TLN2: variants seen among roughly 807,000 people sequenced by gnomAD.
TLN2 encodes the protein talin 2.
A neutral mutation model predicts 294.7 loss-of-function variants in TLN2; 118 were observed. The ratio of observed to expected loss-of-function variants is 0.40; its 90% confidence interval spans 0.34 to 0.47. The LOEUF (loss-of-function observed/expected upper bound fraction) is 0.47, where lower values mean the gene tolerates loss of function less well. Ranked by LOEUF, TLN2 falls within the 20% of genes least tolerant of loss-of-function variation. TLN2 has a pLI of 0.84. For missense variants in TLN2, 3,083 were observed against 3,282.2 expected (o/e 0.94, Z 1.48); for synonymous variants, 1,431 against 1,304.5 (o/e 1.10, Z -2.09).
At chr15:62,686,377 A>T (rs992874644) in intron 11 of TLN2, among the ~76,000 whole-genome samples, 7 of 152,110 alleles carry the variant, frequency 4.6e-5, no homozygotes, top group African/African-American at 1.7e-4. Context: ...TCTTTCTGGC[A>T]TCGTCTGTTT....
chr15:62,462,171 T>C (rs1015660280), intron 1 of TLN2, among the ~76,000 whole-genome samples: 4 of 152,022 alleles, frequency 2.6e-5, no homozygotes, highest in African/African-American at 9.7e-5. Context: ...GAGGCGGAGG[T>C]TGCAGTGAGC....
At chr15:62,521,308 A>G (rs2040444957) in intron 1 of TLN2, among the ~76,000 whole-genome samples, 1 of 152,130 alleles carries the variant, frequency 6.6e-6, no homozygotes, top group Non-Finnish European at 1.5e-5. Flanking sequence ...GGTACAGGGG[A>G]AAGCCCTGGA....
Position 62,439,163 on chromosome 15 carries a change from C to T in TLN2, c.-238+48478C>T, listed in dbSNP as rs1208846480. 2.6e-5 allele frequency among the ~76,000 whole-genome samples: 4 copies of T among 152,206 alleles called. No individual in the cohort carries two copies. The East Asian group carries it at 7.7e-4, about 29-fold the overall frequency. Reference sequence around the variant, plus strand: ...TCTCTTGCTGTCATGGCAGACATCGCTAGAAGATTATGACACTTTACTATG... The same window carrying T: ...TCTCTTGCTGTCATGGCAGACATCGTTAGAAGATTATGACACTTTACTATG... On this transcript the variant is annotated intron_variant, in intron 1 of 58. Transcript: ENST00000636159.
At chr15:62,675,140 T>C in intron 10 of TLN2, 77 bp from the exon 11 acceptor site, 1 of 1,340,574 alleles carries the variant, frequency 7.5e-7, no homozygotes, top group Non-Finnish European at 1.1e-6. Flanking sequence ...CTCCACCACA[T>C]ACAGTAACTA....
At chr15:62,786,701 C>A (rs943172663) in intron 45 of TLN2, among the ~76,000 whole-genome samples, 1 of 152,146 alleles carries the variant, frequency 6.6e-6, no homozygotes, top group African/African-American at 2.4e-5. Context: ...CCCTTTCCCC[C>A]AGATGAAATG....
intron 1 of TLN2, among the ~76,000 whole-genome samples, chr15:62,533,630 G>C (rs1270303616): frequency 6.6e-6 from 1 of 152,116 alleles, no homozygotes; most frequent in African/African-American, 2.4e-5. Flanking sequence ...CATCTCATGG[G>C]TTACTTAAAG....
At chr15:62,722,279 C>T in intron 25 of TLN2, 74 bp from the exon 26 acceptor site, 4 of 1,482,924 alleles carry the variant, frequency 2.7e-6, no homozygotes, top group Admixed American at 2.1e-5. Flanking sequence ...CTGTGGAGAC[C>T]TCGCTGCTTA....
chr15:62,695,337 G>A lies in TLN2; in HGVS notation c.1292+945G>A, dbSNP rs576513963. Among the ~76,000 whole-genome samples the A allele has an allele frequency of 7.9e-5, 12 of 152,290 alleles. No individual in the cohort carries two copies. In the East Asian group the frequency reaches 2.1e-3, roughly 27 times the overall value. On this transcript the variant is annotated intron_variant, in intron 14 of 58. Coordinates refer to ENST00000636159, the MANE Select transcript of TLN2 (RefSeq NM_015059.3). ...AGGAGCAACGCAGGAAGAAGTGGAAGGTCTAGCGATGGGGACAATCCTGAC... is the reference window on the plus strand; with the variant it reads ...AGGAGCAACGCAGGAAGAAGTGGAAAGTCTAGCGATGGGGACAATCCTGAC...
chr15:62,808,683 G>A (rs2141169133), intron 51 of TLN2, among the ~76,000 whole-genome samples: 1 of 152,288 alleles, frequency 6.6e-6, no homozygotes, highest in South Asian at 2.1e-4. Flanking sequence ...TTCCCGCAGT[G>A]GTGTCTCATC....
In TLN2 at chr15:62,727,240, G is replaced by A. The variant is rs760812813; in HGVS notation, c.3358+51G>A. 9 of 1,517,852 alleles carry A rather than the reference G, an allele frequency of 5.9e-6. No individual in the cohort carries two copies. The Admixed American group carries it at 1.3e-4, about 22-fold the overall frequency. The allele number at this position is 1,517,852 out of a possible 1,614,324, so 94.0% of individuals were successfully genotyped here. ...TGTGGCCAGCTTCAGGCCACTGGGT[G>A]TAGTGGGGGAGGAGGAGGAGTTCAT... On this transcript the variant is annotated intron_variant, in intron 28 of 58. Coordinates refer to ENST00000636159, the MANE Select transcript of TLN2 (RefSeq NM_015059.3).
intron 12 of TLN2, among the ~76,000 whole-genome samples, chr15:62,688,204 A>G (rs28674136): frequency 0.061 from 9,334 of 152,250 alleles, 460 homozygotes; most frequent in African/African-American, 0.13. Flanking sequence ...AAGAGAGAAT[A>G]ACAGTATTTT....
At chr15:62,489,765 T>C (rs2038606661) in intron 1 of TLN2, among the ~76,000 whole-genome samples, 1 of 152,188 alleles carries the variant, frequency 6.6e-6, no homozygotes, top group South Asian at 2.1e-4. Context: ...CACGGATTGC[T>C]TCCTCTGAAA....
At chr15:62,533,913 T>A (rs1196855137) in intron 1 of TLN2, among the ~76,000 whole-genome samples, 2 of 152,154 alleles carry the variant, frequency 1.3e-5, no homozygotes, top group Non-Finnish European at 2.9e-5. Context: ...TTGGCTGCTG[T>A]TTGCTTATGG....
intron 1 of TLN2, among the ~76,000 whole-genome samples, chr15:62,569,444 G>A (rs1166919298): frequency 6.6e-6 from 1 of 152,186 alleles, no homozygotes; most frequent in Non-Finnish European, 1.5e-5. Flanking sequence ...GAGAAACTGG[G>A]AGATTCAGAA....
intron 54 of TLN2, chr15:62,829,849 G>C (rs1254114369): frequency 6.6e-6 from 1 of 152,048 alleles, no homozygotes; most frequent in Non-Finnish European, 1.5e-5. Flanking sequence ...GAGTTCAATT[G>C]TTTTGATTTC....
chr15:62,809,563 C>T (rs747461981), intron 51 of TLN2, among the ~76,000 whole-genome samples: 1 of 152,154 alleles, frequency 6.6e-6, no homozygotes, highest in Non-Finnish European at 1.5e-5. Flanking sequence ...GACCCTAGGT[C>T]AGTACGTCTC....
chr15:62,621,703 G>A (rs916677527), intron 3 of TLN2, among the ~76,000 whole-genome samples: 2 of 152,184 alleles, frequency 1.3e-5, no homozygotes, highest in African/African-American at 4.8e-5. Flanking sequence ...AGATTTCTTG[G>A]AACAGGGTCC....
intron 25 of TLN2, among the ~76,000 whole-genome samples, chr15:62,721,913 T>C (rs1043150486): frequency 6.6e-6 from 1 of 152,236 alleles, no homozygotes; most frequent in Non-Finnish European, 1.5e-5. Context: ...GTCCCTTCAC[T>C]GGCGAAGTTA....
chr15:62,628,005 C>G (rs531409196), intron 3 of TLN2, among the ~76,000 whole-genome samples: 1 of 152,182 alleles, frequency 6.6e-6, no homozygotes, highest in Non-Finnish European at 1.5e-5. Flanking sequence ...CAAAATCACA[C>G]AGGAACTGTC....
Sources: allele counts gnomAD v4.1 joint callset (sites outside exome capture counted in the v4.1 genomes callset), GRCh38; gene constraint gnomAD v4.1.1; transcripts MANE v1.5; gene names NCBI Gene and HGNC (gene_info 2026-07-23, HGNC 2026-07-21).